Variants in PHF20 observed in about 807,000 individuals in gnomAD.
PHF20 encodes PHD finger protein 20, also known as glioma-expressed antigen 2.
A neutral mutation model predicts 113.5 loss-of-function variants in PHF20; 23 were observed. The ratio of observed to expected loss-of-function variants is 0.20; its 90% CI spans 0.15 to 0.29. PHF20 has a LOEUF of 0.29. PHF20 is among the 10% of genes least tolerant of loss of function. The pLI is 1.00. For missense variants in PHF20, 943 were observed against 1,219.6 expected, an observed-to-expected ratio of 0.77 and a Z score of 3.38; for synonymous variants, 434 against 457.3, an observed-to-expected ratio of 0.95 and a Z score of 0.65.
chr20:35,790,346 G>A (rs759420254), intron 1 of PHF20, among the ~76,000 whole-genome samples: 6 of 151,814 alleles, frequency 4.0e-5, no homozygotes, highest in East Asian at 1.9e-4. Flanking sequence ...GATTACAGGC[G>A]CATGCCACCA....
intron 10 of PHF20, among the ~76,000 whole-genome samples, chr20:35,899,955 C>T (rs1258386267): frequency 6.6e-6 from 1 of 152,184 alleles, no homozygotes; most frequent in Non-Finnish European, 1.5e-5. Flanking sequence ...AACTCGTGCT[C>T]AGAGCAGCAT....
intron 1 of PHF20, among the ~76,000 whole-genome samples, chr20:35,778,187 G>A (rs1454391531): frequency 2.0e-5 from 3 of 152,076 alleles, no homozygotes; most frequent in Admixed American, 1.3e-4. Flanking sequence ...GAATTCAAGC[G>A]ATTCTTGTGC....
intron 14 of PHF20, 114 bp downstream of exon 14, chr20:35,927,993 T>A: frequency 1.3e-6 from 1 of 767,898 alleles, no homozygotes; most frequent in Non-Finnish European, 2.3e-6. Flanking sequence ...CAGCATCGGC[T>A]AGACTCCAGC....
chr20:35,798,864 C>T (rs1186046270), intron 1 of PHF20, among the ~76,000 whole-genome samples: 4 of 151,238 alleles, frequency 2.6e-5, no homozygotes, highest in Non-Finnish European at 4.4e-5. Context: ...TGGGCTCAAG[C>T]GATCCTCCTG....
chr20:35,803,439 T>G (rs1018044448), intron 2 of PHF20, among the ~76,000 whole-genome samples: 1 of 150,944 alleles, frequency 6.6e-6, no homozygotes, highest in Non-Finnish European at 1.5e-5. Flanking sequence ...TTCCTCTGCC[T>G]CAGCCTTCTG....
intron 1 of PHF20, among the ~76,000 whole-genome samples, chr20:35,772,992 T>C (rs2041094767): frequency 6.6e-6 from 1 of 152,208 alleles, no homozygotes; most frequent in Non-Finnish European, 1.5e-5. Flanking sequence ...TGGGTACTTA[T>C]TTCCAGTTTC....
At chr20:35,904,767 C>CTCTTCCTTCCTTCCTTCCTTCCTTCCT (rs1555799925) in intron 10 of PHF20, among the ~76,000 whole-genome samples, 2 of 125,688 alleles carry the variant, frequency 1.6e-5, no homozygotes, top group Admixed American at 8.1e-5. Flanking sequence ...GATTTCTTTT[C>CTCTTCCTTCCTTCCTTCCTTCCTTCCT]TCCTTCCTTC....
chr20:35,859,856 C>T (rs968055542), intron 5 of PHF20, among the ~76,000 whole-genome samples: 4 of 151,890 alleles, frequency 2.6e-5, no homozygotes, highest in Non-Finnish European at 4.4e-5. Context: ...TCTGTTGTGT[C>T]TTTGTGATGA....
At chr20:35,880,010 A>G (rs1239989472) in intron 9 of PHF20, among the ~76,000 whole-genome samples, 2 of 152,058 alleles carry the variant, frequency 1.3e-5, no homozygotes, top group Non-Finnish European at 2.9e-5. Flanking sequence ...GAAAGAGAGA[A>G]AGAGAAAGGA....
At chr20:35,873,470 T>G (rs868502949) in intron 9 of PHF20, among the ~76,000 whole-genome samples, 12 of 139,172 alleles carry the variant, frequency 8.6e-5, no homozygotes, top group African/African-American at 2.0e-4. Context: ...TTTTTTGTTT[T>G]TTTTTTTTTT....
intron 4 of PHF20, 104 bp from the exon 5 acceptor site, chr20:35,858,198 A>C: frequency 6.3e-6 from 4 of 638,280 alleles, no homozygotes; most frequent in East Asian, 2.7e-5. Flanking sequence ...TTAAACTCCT[A>C]TAAGCTTATT....
intron 2 of PHF20, among the ~76,000 whole-genome samples, chr20:35,819,660 G>C (rs1392367868): frequency 6.6e-6 from 1 of 151,654 alleles, no homozygotes; most frequent in Non-Finnish European, 1.5e-5. Flanking sequence ...GTGTGTGTGT[G>C]TGTGTGTGTG....
At chr20:35,850,968 A>C in intron 4 of PHF20, 1 of 443,376 alleles carries the variant, frequency 2.3e-6, no homozygotes, top group Non-Finnish European at 4.3e-6. Flanking sequence ...TAATTTTTGC[A>C]TTTGTAGGAG....
At chr20:35,783,659 C>G (rs2041347378) in intron 1 of PHF20, among the ~76,000 whole-genome samples, 3 of 151,700 alleles carry the variant, frequency 2.0e-5, no homozygotes, top group African/African-American at 4.8e-5. Context: ...CTCTTGGGCT[C>G]AAGTGATTCT....
At chr20:35,849,607 C>T (rs979844823) in intron 4 of PHF20, 4 of 434,264 alleles carry the variant, frequency 9.2e-6, no homozygotes, top group Non-Finnish European at 1.9e-5. Context: ...TGCTTCATCA[C>T]GATTCACTGT....
chr20:35,892,061 T>A (rs1475484936), intron 9 of PHF20, among the ~76,000 whole-genome samples: 1 of 150,936 alleles, frequency 6.6e-6, no homozygotes, highest in Non-Finnish European at 1.5e-5. Flanking sequence ...TTTTGTTTTT[T>A]TGTTTTTTTT....
chr20:35,923,244 C>G (rs995281349), intron 13 of PHF20, among the ~76,000 whole-genome samples: 1 of 152,178 alleles, frequency 6.6e-6, no homozygotes, highest in Non-Finnish European at 1.5e-5. Flanking sequence ...CCTACAACAA[C>G]AAGTATTAAT....
chr20:35,825,534 C>A (rs2042245265), intron 2 of PHF20, among the ~76,000 whole-genome samples: 1 of 152,176 alleles, frequency 6.6e-6, no homozygotes, highest in Non-Finnish European at 1.5e-5. Flanking sequence ...ACTGGGGTTA[C>A]AGGTGTAAGC....
intron 12 of PHF20, among the ~76,000 whole-genome samples, chr20:35,916,871 C>T (rs2055413225): frequency 6.6e-6 from 1 of 152,210 alleles, no homozygotes; most frequent in Non-Finnish European, 1.5e-5. Flanking sequence ...AAGGGATCCT[C>T]CTGCCTCAGC....
Sources: gnomAD v4.1 joint callset for allele counts (sites outside exome capture counted in the v4.1 genomes callset) on GRCh38, gnomAD v4.1.1 for gene constraint, MANE v1.5 for transcripts, NCBI Gene and HGNC (gene_info 2026-07-23, HGNC 2026-07-21) for gene names.